Variants in SMARCA1 observed in about 807,000 individuals in gnomAD.
SMARCA1 encodes SWI/SNF-related matrix-associated actin-dependent regulator of chromatin subfamily A member 1.
Under a neutral mutation model 93.6 loss-of-function variants are expected in SMARCA1, and 17 were observed. The ratio of observed to expected loss-of-function variants is 0.18; its 90% CI spans 0.12 to 0.27. SMARCA1 has a LOEUF of 0.27. Among genes scored for constraint, SMARCA1 ranks in the 10% least tolerant of loss-of-function variants. The pLI, the probability that SMARCA1 is intolerant of heterozygous loss-of-function variation, is 1.00. For synonymous variants in SMARCA1, 271 were observed against 271.4 expected (o/e 1.00, Z 0.01); for missense variants, 630 against 819.0 (o/e 0.77, Z 2.82).
chrX:129,488,396 G>A (rs1933984704), intron 16 of SMARCA1, among the ~76,000 whole-genome samples: 1 of 107,841 alleles, frequency 9.3e-6, no homozygotes, highest in South Asian at 4.2e-4. Flanking sequence ...CTCACTTGGG[G>A]CCAGAGGTTC....
intron 13 of SMARCA1, among the ~76,000 whole-genome samples, chrX:129,492,325 G>T (rs1934159635): frequency 9.0e-6 from 1 of 111,433 alleles, no homozygotes; most frequent in Admixed American, 9.6e-5. Flanking sequence ...TTATATAAAT[G>T]AAGTTCCTAA....
chrX:129,511,772 T>C, intron 6 of SMARCA1, 32 bp downstream of exon 6: 1 of 1,117,184 alleles, frequency 9.0e-7, no homozygotes, highest in Non-Finnish European at 1.2e-6. Context: ...ATATTATTCT[T>C]AACTGCCTTT....
At chrX:129,448,518 G>T in intron 23 of SMARCA1, 75 bp from the exon 24 acceptor site, 1 of 918,175 alleles carries the variant, frequency 1.1e-6, no homozygotes, top group Non-Finnish European at 1.5e-6. Context: ...CTATTTAACT[G>T]TATGATTTCT....
At position 129,511,898 on chromosome X, in the gene SMARCA1, A is replaced by C. The variant is rs762986985; in HGVS notation, c.716T>G (p.Val239Gly). The C allele has an allele frequency of 1.7e-6, 2 of 1,204,901 alleles. No individual in the cohort carries two copies. Among genetic ancestry groups the C allele is most frequent in the South Asian group, 3.5e-5 (2 of 56,520 alleles). Reference sequence around the variant, plus strand: ...CCAGTTGTGTAAAGTAGACTTTGGAACTAAAACCATGTGAGGTCCAGGAAT... The same window carrying C: ...CCAGTTGTGTAAAGTAGACTTTGGACCTAAAACCATGTGAGGTCCAGGAAT... ...RNIPGPHMVLVPKSTLHNWMN... is the reference protein window; with the variant it reads ...RNIPGPHMVLGPKSTLHNWMN... Residue 239 changes from valine to glycine, a missense_variant, in exon 6 of 25, where the codon GTT becomes GGT. This residue lies in a region of SMARCA1 where 382 missense variants were observed against 537.9 expected (regional missense o/e 0.71). Coordinates refer to ENST00000371121, the MANE Select transcript of SMARCA1 (RefSeq NM_001282874.2).
chrX:129,499,510 A>C (rs1934468860), intron 10 of SMARCA1, among the ~76,000 whole-genome samples: 1 of 112,084 alleles, frequency 8.9e-6, no homozygotes, highest in South Asian at 3.6e-4. Flanking sequence ...GTGGTAATGC[A>C]TGGAATTCAA....
chrX:129,452,802 T>C (rs1471062499), intron 23 of SMARCA1, among the ~76,000 whole-genome samples: 1 of 112,358 alleles, frequency 8.9e-6, no homozygotes, highest in East Asian at 2.8e-4. Flanking sequence ...CTGAGCTTCA[T>C]AGATATTGTG....
intron 2 of SMARCA1, 81 bp downstream of exon 2, chrX:129,518,280 T>C (rs183641743): frequency 1.7e-4 from 86 of 497,222 alleles, no homozygotes; most frequent in Non-Finnish European, 2.8e-4. Context: ...ATTATATATA[T>C]ACATGTATTT....
intron 19 of SMARCA1, among the ~76,000 whole-genome samples, chrX:129,478,765 A>T (rs1933507059): frequency 8.9e-6 from 1 of 112,322 alleles, no homozygotes; most frequent in Non-Finnish European, 1.9e-5. Flanking sequence ...TATATCAGAG[A>T]TGATTTTTTT....
intron 19 of SMARCA1, among the ~76,000 whole-genome samples, chrX:129,480,267 C>A (rs1024786111): frequency 8.9e-6 from 1 of 112,188 alleles, no homozygotes; most frequent in Non-Finnish European, 1.9e-5. Context: ...TAAGTGACTA[C>A]AATCTACTAA....
At chrX:129,467,489 C>T (rs1932945386) in intron 21 of SMARCA1, among the ~76,000 whole-genome samples, 2 of 110,799 alleles carry the variant, frequency 1.8e-5, no homozygotes, top group African/African-American at 6.6e-5. Context: ...TTCCCCTAAG[C>T]CTCCAAATGC....
intron 20 of SMARCA1, 38 bp downstream of exon 20, chrX:129,471,166 A>T: frequency 1.8e-6 from 2 of 1,109,009 alleles, no homozygotes; most frequent in Admixed American, 2.7e-5. Context: ...TTTTCTATTG[A>T]TTGACTGTAA....
chrX:129,487,426 A>T (rs1297643315), intron 16 of SMARCA1, among the ~76,000 whole-genome samples: 3 of 112,858 alleles, frequency 2.7e-5, no homozygotes, highest in African/African-American at 9.6e-5. Context: ...TTTAAATGGG[A>T]CAAATAGCTA....
At chrX:129,455,591 A>G (rs891511928) in intron 23 of SMARCA1, among the ~76,000 whole-genome samples, 45 of 110,214 alleles carry the variant, frequency 4.1e-4, no homozygotes, top group Admixed American at 2.9e-4. Flanking sequence ...TGTATCCCAG[A>G]ACTTAAAGTA....
intron 1 of SMARCA1, among the ~76,000 whole-genome samples, chrX:129,520,687 G>A (rs900051166): frequency 9.0e-6 from 1 of 111,171 alleles, no homozygotes; most frequent in African/African-American, 3.3e-5. Flanking sequence ...TGGTGTGCAC[G>A]TGTCATTATT....
In SMARCA1 at chrX:129,465,947, C is replaced by T; in HGVS notation, c.2714G>A (p.Arg905His). Residue 905 changes from arginine to histidine, a missense_variant, in exon 22 of 25, where the codon CGT becomes CAT. Coordinates refer to ENST00000371121, the MANE Select transcript of SMARCA1 (RefSeq NM_001282874.2). ...VMEYSAVFWE[R>H]CNELQDIEKI... Reference sequence around the variant, plus strand: ...CTCAATGTCCTGTAATTCATTGCAACGTTCCCAAAATACAGCTGAAAAACA... The same window carrying T: ...CTCAATGTCCTGTAATTCATTGCAATGTTCCCAAAATACAGCTGAAAAACA... The T allele has an allele frequency of 9.1e-7, 1 of 1,096,071 alleles. No homozygotes were observed. The highest frequency in any genetic ancestry group is 1.2e-6 in the Non-Finnish European group (1 of 810,573). 90.3% of individuals were successfully genotyped at this position (1,096,071 alleles called of 1,213,427 possible).
chrX:129,478,172 T>C (rs1003303211), intron 19 of SMARCA1, among the ~76,000 whole-genome samples: 11 of 111,727 alleles, frequency 9.8e-5, no homozygotes, highest in African/African-American at 3.6e-4. Flanking sequence ...TAGCACCCCT[T>C]GTAAGCACAG....
intron 5 of SMARCA1, among the ~76,000 whole-genome samples, chrX:129,514,371 T>C (rs1935120222): frequency 8.9e-6 from 1 of 112,440 alleles, no homozygotes; most frequent in African/African-American, 3.2e-5. Flanking sequence ...TAGCATCTTA[T>C]ATGCCTTACT....
intron 19 of SMARCA1, among the ~76,000 whole-genome samples, chrX:129,473,880 A>G (rs1232319010): frequency 1.8e-5 from 2 of 111,888 alleles, no homozygotes; most frequent in Admixed American, 9.5e-5. Flanking sequence ...TTCGAGTTAC[A>G]TAAGTGTATG....
At chrX:129,457,766 TGTAGGTC>T (rs1262240746) in intron 23 of SMARCA1, among the ~76,000 whole-genome samples, 1 of 112,107 alleles carries the variant, frequency 8.9e-6, no homozygotes, top group Admixed American at 9.5e-5. Context: ...AAAAATTGGT[TGTAGGTC>T]TAACTTTTGT....
Sources: gnomAD v4.1 joint callset for allele counts (sites outside exome capture counted in the v4.1 genomes callset) on GRCh38, gnomAD v4.1.1 for gene constraint, gnomAD v4.1.1 regional missense constraint, MANE v1.5 for transcripts, NCBI Gene and HGNC (gene_info 2026-07-23, HGNC 2026-07-21) for gene names.